POLH: variants seen among roughly 807,000 people sequenced by gnomAD.
POLH encodes DNA polymerase eta.
POLH carries 53 observed loss-of-function variants against 73.6 expected under a neutral mutation model. The ratio of observed to expected loss-of-function variants is 0.72; its 90% CI spans 0.58 to 0.91. The LOEUF is 0.91. Among genes scored for constraint, POLH ranks in the 40% least tolerant of loss-of-function variants. The pLI is 0.00. For synonymous variants in POLH, 292 were observed against 308.5 expected, an observed-to-expected ratio of 0.95 and a Z score of 0.56; for missense variants, 768 against 865.4, an observed-to-expected ratio of 0.89 and a Z score of 1.41.
intron 3 of POLH, among the ~76,000 whole-genome samples, chr6:43,585,276 C>A (rs947730646): frequency 6.6e-6 from 1 of 152,198 alleles, no homozygotes; most frequent in Non-Finnish European, 1.5e-5. Flanking sequence ...TATTTGGAAC[C>A]TCTCCGGACC....
intron 9 of POLH, among the ~76,000 whole-genome samples, chr6:43,609,265 T>A (rs564502849): frequency 6.6e-6 from 1 of 152,338 alleles, no homozygotes; most frequent in East Asian, 1.9e-4. Flanking sequence ...GGACCTGGAC[T>A]TTATTTTGTT....
rs143549568 is a variant in POLH, at chr6:43,579,201, G to A, written c.-5+2761G>A. On this transcript the variant is annotated intron_variant, in intron 1 of 10. Transcript: ENST00000372236. ...CCCTCCTTTCACCTGCCCAAAGCAG[G>A]ACTCTAATCTTCCCCTGCCTTTCTG... is the stretch of plus-strand genomic sequence containing the variant. 4.7e-4 allele frequency among the ~76,000 whole-genome samples: 71 copies of A among 152,240 alleles called. No homozygotes were observed. The East Asian group carries it at 8.1e-3, about 17-fold the overall frequency.
chr6:43,578,053 C>T (rs1479429010), intron 1 of POLH, among the ~76,000 whole-genome samples: 1 of 150,086 alleles, frequency 6.7e-6, no homozygotes, highest in East Asian at 2.0e-4. Context: ...TGCACTTCAG[C>T]CTGGGTGACA....
At chr6:43,601,230 A>G (rs1360754550) in intron 6 of POLH, 139 bp downstream of exon 6, 3 of 701,080 alleles carry the variant, frequency 4.3e-6, no homozygotes, top group East Asian at 5.4e-5. Context: ...ACAACACAGA[A>G]CATTTTGAAA....
At position 43,597,829 on chromosome 6, in the gene POLH, T is replaced by G. The variant is rs1219795549; in HGVS notation, c.624T>G (p.Thr208=). 2 of 1,613,876 alleles carry G rather than the reference T, an allele frequency of 1.2e-6. No homozygotes were observed. Among genetic ancestry groups the G allele is most frequent in the African/African-American group, 2.7e-5 (2 of 74,924 alleles). Residue 208 remains threonine (T), a synonymous_variant, in exon 5 of 11, where the codon ACT becomes ACG. Coordinates refer to ENST00000372236, the MANE Select transcript of POLH (RefSeq NM_006502.3). The part of the protein sequence containing the change: ...EEMRAAIERE[T]GFQCSAGISH... ...TGAGAGCAGCCATAGAGAGGGAGACTGGTTTTCAGTGTTCAGCTGGAATTT... is the reference window on the plus strand; with the variant it reads ...TGAGAGCAGCCATAGAGAGGGAGACGGGTTTTCAGTGTTCAGCTGGAATTT...
rs191727951 is a variant in POLH, at chr6:43,601,413, C to T, written c.764+322C>T. On this transcript the variant is annotated intron_variant, in intron 6 of 10. Coordinates refer to ENST00000372236, the MANE Select transcript of POLH (RefSeq NM_006502.3). ...CCTGAGTAGCTGGAATTACAGGCGC[C>T]CACCACCACGCCTGGCTAATTTTTG... Among the ~76,000 whole-genome samples the T allele has an allele frequency of 1.6e-3, 249 of 152,186 alleles. 2 individuals carry two copies. The highest frequency in any genetic ancestry group is 5.8e-3 in the African/African-American group (241 of 41,548).
chr6:43,587,705 A>C lies in POLH; in HGVS notation c.490+216A>C, dbSNP rs560130495. Among the ~76,000 whole-genome samples the C allele has an allele frequency of 2.3e-4, 35 of 152,330 alleles. 1 individual carries two copies. Among genetic ancestry groups the C allele is most frequent in the Middle Eastern group, 6.8e-3 (2 of 294 alleles). On this transcript the variant is annotated intron_variant, in intron 4 of 10. Transcript: ENST00000372236. Reference sequence around the variant, plus strand: ...TCTGTATGAAAGTAAATTTCTCTTTAGATATAACTAGGGCAGGTTAGTGTT... The same window carrying C: ...TCTGTATGAAAGTAAATTTCTCTTTCGATATAACTAGGGCAGGTTAGTGTT...
Position 43,582,376 on chromosome 6 carries a change from T to C in POLH, c.57T>C (p.Val19=), listed in dbSNP as rs768525203. ...VALVDMDCFF[V]QVEQRQNPHL... ...TCGTGGACATGGACTGTTTTTTTGT[T>C]CAAGTGGAGCAGCGGCAAAATCCTC... is the stretch of plus-strand genomic sequence containing the variant. The change falls in exon 2 of 11, where the codon GTT becomes GTC. Residue 19 remains valine (V), a synonymous_variant. Coordinates refer to ENST00000372236, the MANE Select transcript of POLH (RefSeq NM_006502.3). The C allele has an allele frequency of 6.2e-7, 1 of 1,614,088 alleles. No homozygotes were observed. Among genetic ancestry groups the C allele is most frequent in the Non-Finnish European group, 8.5e-7 (1 of 1,179,940 alleles).
At chr6:43,580,709 C>CG (rs1177974954) in intron 1 of POLH, among the ~76,000 whole-genome samples, 1 of 135,184 alleles carries the variant, frequency 7.4e-6, no homozygotes, top group South Asian at 2.3e-4. Context: ...GCTGGCCGGG[C>CG]GGGGGGCCGA....
In POLH at chr6:43,610,590, C is replaced by G. The variant is rs147564503; in HGVS notation, c.1111C>G (p.Arg371Gly). ...AGCCACCCAGCTGGTTGTGAGCATTCGTGTACAAGGAGACAAACGCCTCAG... is the reference window on the plus strand; with the variant it reads ...AGCCACCCAGCTGGTTGTGAGCATTGGTGTACAAGGAGACAAACGCCTCAG... ...RVATQLVVSI[R>G]VQGDKRLSSL... The change falls in exon 10 of 11, where the codon CGT becomes GGT. Residue 371 changes from arginine (R) to glycine (G), a missense_variant. Coordinates refer to ENST00000372236, the MANE Select transcript of POLH (RefSeq NM_006502.3). 69 of 1,613,906 alleles carry G rather than the reference C, an allele frequency of 4.3e-5. No homozygotes were observed. The highest frequency in any genetic ancestry group is 5.8e-5 in the Non-Finnish European group (68 of 1,179,964).
intron 4 of POLH, among the ~76,000 whole-genome samples, chr6:43,596,667 A>C (rs1457575074): frequency 6.6e-6 from 1 of 152,226 alleles, no homozygotes; most frequent in Non-Finnish European, 1.5e-5. Flanking sequence ...GTTGGAAAGA[A>C]CATTTGAGAA....
intron 5 of POLH, 127 bp downstream of exon 5, chr6:43,597,992 C>A: frequency 2.5e-6 from 2 of 796,556 alleles, no homozygotes; most frequent in South Asian, 1.4e-5. Context: ...GTGAGTGGAT[C>A]GCGTGAGCCC....
intron 4 of POLH, among the ~76,000 whole-genome samples, chr6:43,589,210 T>A (rs569843118): frequency 6.6e-6 from 1 of 152,212 alleles, no homozygotes; most frequent in Non-Finnish European, 1.5e-5. Flanking sequence ...TTATTTGTAA[T>A]TGATGGCTTC....
At chr6:43,580,996 C>A (rs1253376881) in intron 1 of POLH, among the ~76,000 whole-genome samples, 2 of 146,554 alleles carry the variant, frequency 1.4e-5, no homozygotes, top group Non-Finnish European at 1.5e-5. Flanking sequence ...GGGGCTGACC[C>A]CCCCCCACCT....
At chr6:43,598,665 C>T (rs1185091796) in intron 5 of POLH, among the ~76,000 whole-genome samples, 1 of 151,124 alleles carries the variant, frequency 6.6e-6, no homozygotes, top group Non-Finnish European at 1.5e-5. Context: ...AAAAGAAAAA[C>T]CATACACTAT....
chr6:43,593,895 A>AG (rs1765750276), intron 4 of POLH, among the ~76,000 whole-genome samples: 15 of 151,680 alleles, frequency 9.9e-5, no homozygotes, highest in African/African-American at 1.7e-4. Context: ...AAAAAAAAAA[A>AG]AAAAGAAAGA....
In POLH at chr6:43,604,695, G is replaced by T; in HGVS notation, c.965G>T (p.Ser322Ile). ...CAACTACCCAAAACCATTGGCTGTA[G>T]TAAGAACTTCCCAGGAAAAACAGCT... is the stretch of plus-strand genomic sequence containing the variant. ...PRQLPKTIGC[S>I]KNFPGKTALA... The change falls in exon 8 of 11, where the codon AGT (serine) becomes ATT (isoleucine). Residue 322 changes from serine (S) to isoleucine (I), a missense_variant. Coordinates refer to ENST00000372236, the MANE Select transcript of POLH (RefSeq NM_006502.3). 6.2e-7 allele frequency: 1 copy of T among 1,614,144 alleles called. No homozygotes were observed.
intron 1 of POLH, among the ~76,000 whole-genome samples, chr6:43,579,165 C>T (rs1449562317): frequency 6.6e-6 from 1 of 152,198 alleles, no homozygotes; most frequent in Non-Finnish European, 1.5e-5. Flanking sequence ...GAATCTCTCT[C>T]TGGCCTTCTG....
chr6:43,601,994 G>GT (rs1387294880), intron 6 of POLH, among the ~76,000 whole-genome samples: 2 of 152,196 alleles, frequency 1.3e-5, no homozygotes, highest in African/African-American at 4.8e-5. Context: ...AGAGGCGGAG[G>GT]TTGCAGTGAG....
Sources: allele counts gnomAD v4.1 joint callset (sites outside exome capture counted in the v4.1 genomes callset), GRCh38; gene constraint gnomAD v4.1.1; transcripts MANE v1.5; gene names NCBI Gene and HGNC (gene_info 2026-07-23, HGNC 2026-07-21).